The following FRMD4A variants were observed in gnomAD, a reference collection of about 807,000 sequenced individuals.
The protein encoded by FRMD4A is FERM domain-containing protein 4A.
In FRMD4A, 29 loss-of-function variants were observed where a neutral mutation model predicts 129.1. The ratio of observed to expected loss-of-function variants is 0.22; its 90% CI spans 0.17 to 0.31. The LOEUF (loss-of-function observed/expected upper bound fraction) is 0.31. FRMD4A is among the 10% of genes least tolerant of loss of function. The pLI is 1.00. For synonymous variants in FRMD4A, 634 were observed against 571.6 expected (o/e 1.11, Z -1.56); for missense variants, 1,272 against 1,375.8 (o/e 0.92, Z 1.19).
chr10:13,661,056 A>G (rs939531141), intron 19 of FRMD4A, among the ~76,000 whole-genome samples: 4 of 152,180 alleles, frequency 2.6e-5, no homozygotes, highest in Non-Finnish European at 5.9e-5. Flanking sequence ...ATGAGGGTCT[A>G]TATGTCCATT....
At chr10:13,661,152 A>G (rs904233188) in intron 19 of FRMD4A, among the ~76,000 whole-genome samples, 2 of 152,178 alleles carry the variant, frequency 1.3e-5, no homozygotes, top group Admixed American at 1.3e-4. Flanking sequence ...CTTCCTCTAT[A>G]TTTTAATTTT....
intron 2 of FRMD4A, among the ~76,000 whole-genome samples, chr10:13,872,547 G>A (rs7898937): frequency 0.44 from 66,811 of 152,214 alleles, 14,840 homozygotes; most frequent in Non-Finnish European, 0.49. Flanking sequence ...ACGCATGCAC[G>A]TAATTCTTAT....
chr10:14,180,408 C>T (rs1050662559), intron 2 of FRMD4A, among the ~76,000 whole-genome samples: 1 of 152,168 alleles, frequency 6.6e-6, no homozygotes, highest in African/African-American at 2.4e-5. Context: ...AGAAGGCTAG[C>T]AAAGGCGGTA....
intron 2 of FRMD4A, among the ~76,000 whole-genome samples, chr10:14,108,168 C>T (rs1419202746): frequency 2.6e-5 from 4 of 152,116 alleles, no homozygotes; most frequent in South Asian, 2.1e-4. Flanking sequence ...ATTTTCATGT[C>T]GCTTTAATTG....
chr10:13,864,363 G>C (rs371485986), intron 2 of FRMD4A, among the ~76,000 whole-genome samples: 22 of 133,152 alleles, frequency 1.7e-4, no homozygotes, highest in African/African-American at 5.8e-4. Context: ...AAGAAAAAAA[G>C]AAAAGAAAAC....
chr10:14,316,524 A>AAAAAAAAAAAG (rs556192567), intron 2 of FRMD4A, among the ~76,000 whole-genome samples: 28 of 132,602 alleles, frequency 2.1e-4, no homozygotes, highest in Non-Finnish European at 4.1e-4. Context: ...AAAAAAAAAA[A>AAAAAAAAAAAG]AAGAAGAAGA....
intron 6 of FRMD4A, among the ~76,000 whole-genome samples, chr10:13,779,883 T>A (rs938151251): frequency 6.6e-6 from 1 of 152,162 alleles, no homozygotes; most frequent in African/African-American, 2.4e-5. Context: ...ACACATCATG[T>A]GAACTTTGTA....
At chr10:13,693,575 C>A in intron 15 of FRMD4A, 3 of 1,105,740 alleles carry the variant, frequency 2.7e-6, no homozygotes, top group Non-Finnish European at 1.2e-6. Context: ...CACCCTTGGA[C>A]CTGACATTCC....
intron 2 of FRMD4A, among the ~76,000 whole-genome samples, chr10:14,022,822 C>G (rs1048975084): frequency 6.6e-6 from 1 of 151,960 alleles, no homozygotes; most frequent in Non-Finnish European, 1.5e-5. Context: ...GGAAAGGAGA[C>G]GAAGGTGGTA....
chr10:13,842,778 A>G (rs1355675912), intron 3 of FRMD4A, among the ~76,000 whole-genome samples: 1 of 152,208 alleles, frequency 6.6e-6, no homozygotes, highest in African/African-American at 2.4e-5. Flanking sequence ...GCAGTGAGCT[A>G]TGATCACGCC....
chr10:13,721,296 A>G (rs897346333), intron 12 of FRMD4A, among the ~76,000 whole-genome samples: 1 of 152,196 alleles, frequency 6.6e-6, no homozygotes, highest in African/African-American at 2.4e-5. Context: ...ACCCTGGCCA[A>G]CATGGTGAAA....
At chr10:13,851,639 C>T (rs906502131) in intron 3 of FRMD4A, among the ~76,000 whole-genome samples, 2 of 151,924 alleles carry the variant, frequency 1.3e-5, no homozygotes, top group Admixed American at 1.3e-4. Flanking sequence ...TGGTGGCTCA[C>T]ACCTGTAATC....
At chr10:13,666,583 T>C (rs2083056055) in intron 17 of FRMD4A, among the ~76,000 whole-genome samples, 1 of 152,206 alleles carries the variant, frequency 6.6e-6, no homozygotes, top group Admixed American at 6.5e-5. Flanking sequence ...GATGCAGGTT[T>C]AGGGATCGCT....
intron 2 of FRMD4A, among the ~76,000 whole-genome samples, chr10:13,930,931 C>T (rs1484559905): frequency 1.3e-5 from 2 of 152,222 alleles, no homozygotes; most frequent in South Asian, 2.1e-4. Context: ...ATCCTGGACT[C>T]AGAAGATCCT....
chr10:14,311,161 T>A (rs961894394), intron 2 of FRMD4A, among the ~76,000 whole-genome samples: 2 of 152,152 alleles, frequency 1.3e-5, no homozygotes, highest in Non-Finnish European at 2.9e-5. Context: ...GAGCCCTTTG[T>A]GGTCCCACAC....
chr10:13,740,319 C>A (rs2090913764), intron 10 of FRMD4A, 68 bp from the exon 11 acceptor site: 7 of 1,076,240 alleles, frequency 6.5e-6, no homozygotes, highest in Non-Finnish European at 1.0e-5. Flanking sequence ...TTCAGCAGAT[C>A]TGGTATCATA....
At chr10:14,054,833 G>A (rs1479235561) in intron 2 of FRMD4A, among the ~76,000 whole-genome samples, 1 of 152,164 alleles carries the variant, frequency 6.6e-6, no homozygotes, top group Non-Finnish European at 1.5e-5. Context: ...AGTCTCATGA[G>A]ATCTGATGGT....
At chr10:13,950,833 C>T (rs936592955) in intron 2 of FRMD4A, among the ~76,000 whole-genome samples, 1 of 152,184 alleles carries the variant, frequency 6.6e-6, no homozygotes, top group Non-Finnish European at 1.5e-5. Flanking sequence ...TCCCCGATGA[C>T]CTTATCCTGC....
chr10:13,885,992 CAAG>C (rs2094614808), intron 2 of FRMD4A, among the ~76,000 whole-genome samples: 1 of 152,118 alleles, frequency 6.6e-6, no homozygotes, highest in South Asian at 2.1e-4. Flanking sequence ...GGGAGATGGG[CAAG>C]CCAGCGCTAG....
Sources: gnomAD v4.1 joint callset for allele counts (sites outside exome capture counted in the v4.1 genomes callset) on GRCh38, gnomAD v4.1.1 for gene constraint, MANE v1.5 for transcripts, NCBI Gene and HGNC (gene_info 2026-07-23, HGNC 2026-07-21) for gene names.